PSMC2: variants seen among roughly 807,000 people sequenced by gnomAD.
The protein encoded by PSMC2 is 26S proteasome regulatory subunit 7.
In PSMC2, 7 loss-of-function variants were observed where a neutral mutation model predicts 53.3. The observed-to-expected ratio is 0.13, with a 90% CI of 0.07 to 0.25. The LOEUF (loss-of-function observed/expected upper bound fraction) is 0.25. PSMC2 is among the 10% of genes least tolerant of loss of function. The probability of loss-of-function intolerance (pLI) is 1.00; values close to 1 mark genes in which losing one functional copy is unlikely to be tolerated. For missense variants in PSMC2, 241 were observed against 544.0 expected, an observed-to-expected ratio of 0.44 and a Z score of 5.54; for synonymous variants, 169 against 183.9, an observed-to-expected ratio of 0.92 and a Z score of 0.66.
intron 1 of PSMC2, among the ~76,000 whole-genome samples, chr7:103,349,195 C>T (rs1005578117): frequency 6.6e-6 from 1 of 152,138 alleles, no homozygotes; most frequent in African/African-American, 2.4e-5. Context: ...TTACACTGTC[C>T]CCCAAAAGAA....
In PSMC2 at chr7:103,347,842, A is replaced by G. The variant is rs1342093304; in HGVS notation, c.70+61A>G. The G allele has an allele frequency of 1.9e-6, 3 of 1,581,534 alleles. No individual in the cohort carries two copies. The East Asian group carries it at 6.7e-5, about 35-fold the overall frequency. On this transcript the variant is annotated intron_variant, in intron 1 of 11. Coordinates refer to ENST00000292644, the MANE Select transcript of PSMC2 (RefSeq NM_002803.4). ...GGGACTGGAGCGGAGCTGCCTTGGC[A>G]CTGGAGAGGAGCTGGATTCCCGCTC... is the stretch of plus-strand genomic sequence containing the variant.
rs1419716714 is a variant in PSMC2, at chr7:103,364,315, A to G, written c.756+8A>G. ...CAGAAATACGTCGGTGAGGTAAAGT[A>G]AATTTATCAAAGAATATATAGCCTT... On this transcript the variant is annotated splice_region_variant and intron_variant, in intron 8 of 11. Coordinates refer to ENST00000292644, the MANE Select transcript of PSMC2 (RefSeq NM_002803.4). 6.2e-6 allele frequency: 10 copies of G among 1,613,554 alleles called. No homozygotes were observed. The highest frequency in any genetic ancestry group is 3.3e-4 in the Middle Eastern group (2 of 6,058).
At chr7:103,356,487 A>G (rs1187123004) in intron 4 of PSMC2, among the ~76,000 whole-genome samples, 1 of 152,218 alleles carries the variant, frequency 6.6e-6, no homozygotes, top group African/African-American at 2.4e-5. Context: ...CATTTGTCTG[A>G]TCAATGTAAG....
intron 1 of PSMC2, among the ~76,000 whole-genome samples, chr7:103,351,435 C>G (rs1386321562): frequency 6.6e-6 from 1 of 152,156 alleles, no homozygotes; most frequent in Non-Finnish European, 1.5e-5. Flanking sequence ...TGTTGCTAAC[C>G]AGAGTAGCTC....
intron 8 of PSMC2, among the ~76,000 whole-genome samples, chr7:103,365,637 AAAATT>A (rs1385586995): frequency 6.6e-6 from 1 of 152,092 alleles, no homozygotes; most frequent in East Asian, 1.9e-4. Flanking sequence ...CTCAAAAAAT[AAAATT>A]AAAATAGCTG....
intron 4 of PSMC2, among the ~76,000 whole-genome samples, chr7:103,359,432 C>A (rs1820247244): frequency 1.3e-5 from 2 of 151,966 alleles, no homozygotes. Context: ...CTATCTAATT[C>A]CAGAATAGAA....
At position 103,367,221 on chromosome 7, in the gene PSMC2, T is replaced by G. The variant is rs1243421711; in HGVS notation, c.845-192T>G. 2.0e-5 allele frequency among the ~76,000 whole-genome samples: 3 copies of G among 151,058 alleles called. No individual in the cohort carries two copies. The highest frequency in any genetic ancestry group is 7.4e-5 in the African/African-American group (3 of 40,590). On this transcript the variant is annotated intron_variant, in intron 9 of 11. Transcript: ENST00000292644. The surrounding 1 kb of genome is among the most constrained non-coding windows in gnomAD (Gnocchi z 6.1). ...CGTTAAGTAAATCTGTGATGAATAC[T>G]TTTGAAAGCAAAGATTCACTTTCTA... is the stretch of plus-strand genomic sequence containing the variant.
intron 1 of PSMC2, chr7:103,348,651 T>A (rs1312585742): frequency 4.0e-6 from 6 of 1,513,352 alleles, no homozygotes; most frequent in Middle Eastern, 2.4e-4. Flanking sequence ...TCGGCCAGGG[T>A]TCTCGCTCTT....
At chr7:103,354,740 C>T (rs770306960) in intron 2 of PSMC2, 128 bp from the exon 3 acceptor site, 42 of 606,204 alleles carry the variant, frequency 6.9e-5, no homozygotes, top group Non-Finnish European at 1.1e-4. Context: ...TCAGGAATAC[C>T]TCTCTACTTC....
chr7:103,368,491 T>C lies in PSMC2; in HGVS notation c.*437T>C, dbSNP rs75807150. ...TTGTTGGCTCCATTACCTATGCTCC[T>C]ATTATCCGCTTCTGTCCCGCAACAA... On this transcript the variant is annotated 3_prime_UTR_variant, in exon 12 of 12. Coordinates refer to ENST00000292644, the MANE Select transcript of PSMC2 (RefSeq NM_002803.4). The C allele has an allele frequency of 6.5e-6, 1 of 154,254 alleles. No individual in the cohort carries two copies. The highest frequency in any genetic ancestry group is 1.4e-5 in the Non-Finnish European group (1 of 69,394). The allele number at this position is 154,254 out of a possible 1,614,324, so 9.6% of individuals were successfully genotyped here. A position where few individuals can be genotyped will look rare whatever the true frequency, so the allele number is the denominator to read the frequency against.
chr7:103,363,931 T>C (rs1013520746), intron 7 of PSMC2, among the ~76,000 whole-genome samples: 2 of 152,234 alleles, frequency 1.3e-5, no homozygotes, highest in Non-Finnish European at 2.9e-5. Flanking sequence ...TATGTATTGA[T>C]AGAAGTCCAG....
At chr7:103,355,888 T>G in intron 4 of PSMC2, 95 bp downstream of exon 4, 1 of 833,994 alleles carries the variant, frequency 1.2e-6, no homozygotes, top group Non-Finnish European at 1.8e-6. Flanking sequence ...TCATAAATAA[T>G]TTTGATTCCA....
chr7:103,364,206 G>A lies in PSMC2; in HGVS notation c.655G>A (p.Gly219Ser). The A allele has an allele frequency of 6.2e-7, 1 of 1,614,176 alleles. No individual in the cohort carries two copies. Among genetic ancestry groups the A allele is most frequent in the Non-Finnish European group, 8.5e-7 (1 of 1,180,038 alleles). The stretch of plus-strand genomic sequence containing the variant: ...GGGCGTGCTGCTCTTTGGTCCACCC[G>A]GTACAGGCAAGACACTCTGTGCGCG... ...PKGVLLFGPP[G>S]TGKTLCARAV... The change falls in exon 8 of 12, where the codon GGT becomes AGT. Residue 219 changes from glycine (G) to serine (S), a missense_variant. Around this residue, in one of 6 missense-constraint regions of PSMC2, gnomAD observed 26 missense variants for 104.7 expected, o/e 0.25. Transcript: ENST00000292644.
At chr7:103,366,268 C>G in intron 9 of PSMC2, 105 bp downstream of exon 9, 2 of 957,576 alleles carry the variant, frequency 2.1e-6, no homozygotes, top group Non-Finnish European at 3.2e-6. Context: ...AACTCCAACT[C>G]TTCTATGAGC....
At position 103,353,931 on chromosome 7, in the gene PSMC2, G is replaced by T; in HGVS notation, c.81G>T (p.Glu27Asp). 1 of 1,603,608 alleles carries T rather than the reference G, an allele frequency of 6.2e-7. No individual in the cohort carries two copies. The highest frequency in any genetic ancestry group is 8.5e-7 in the Non-Finnish European group (1 of 1,173,408). Residue 27 changes from glutamate to aspartate, a missense_variant, in exon 2 of 12, where the codon GAG (glutamate) becomes GAT (aspartate). Glu to Asp is a conservative substitution (Grantham distance 45, BLOSUM62 2). This residue lies in a region of PSMC2 where 70 missense variants were observed against 57.9 expected (regional missense o/e 1.21). Coordinates refer to ENST00000292644, the MANE Select transcript of PSMC2 (RefSeq NM_002803.4). ...TCTCTCTTCTTTCAGCTCTGGATGA[G>T]GGGGATATTGCCTTGTTGAAAACTT... Reference protein sequence around the residue: ...KDDKPIRALDEGDIALLKTYG... With the variant: ...KDDKPIRALDDGDIALLKTYG...
At chr7:103,363,229 A>G (rs928825909) in intron 6 of PSMC2, 115 bp from the exon 7 acceptor site, 1 of 783,992 alleles carries the variant, frequency 1.3e-6, no homozygotes. Flanking sequence ...TTCAATTTTT[A>G]TTAAAATTCT....
intron 1 of PSMC2, among the ~76,000 whole-genome samples, chr7:103,350,724 C>T (rs1819710580): frequency 6.6e-6 from 1 of 151,932 alleles, no homozygotes; most frequent in African/African-American, 2.4e-5. Flanking sequence ...TTTCAAATTC[C>T]TGGGCTCAAG....
intron 4 of PSMC2, among the ~76,000 whole-genome samples, chr7:103,360,439 A>G (rs756377200): frequency 3.9e-5 from 6 of 152,176 alleles, no homozygotes; most frequent in South Asian, 2.1e-4. Flanking sequence ...AGTCCTTCAC[A>G]CAATTATGCT....
intron 1 of PSMC2, among the ~76,000 whole-genome samples, chr7:103,351,629 C>T (rs1819741129): frequency 6.6e-6 from 1 of 152,196 alleles, no homozygotes; most frequent in Non-Finnish European, 1.5e-5. Flanking sequence ...TAGGAACCCT[C>T]TGAAATTGTT....
Sources: allele counts gnomAD v4.1 joint callset (sites outside exome capture counted in the v4.1 genomes callset), GRCh38; gene constraint gnomAD v4.1.1; regional missense constraint gnomAD v4.1.1; non-coding constraint Gnocchi (gnomAD v3.1); transcripts MANE v1.5; gene names NCBI Gene and HGNC (gene_info 2026-07-23, HGNC 2026-07-21).